The following PDK1 variants were observed in gnomAD, a reference collection of about 807,000 sequenced individuals.
PDK1 encodes pyruvate dehydrogenase kinase 1, also known as [Pyruvate dehydrogenase (acetyl-transferring)] kinase isozyme 1, mitochondrial.
PDK1 carries 39 observed loss-of-function variants against 54.2 expected under a neutral mutation model. That is an observed-to-expected ratio of 0.72 (90% CI 0.56 to 0.94). The LOEUF (loss-of-function observed/expected upper bound fraction) is 0.94, where lower values mean the gene tolerates loss of function less well. Among genes scored for constraint, PDK1 ranks in the 40% least tolerant of loss-of-function variants. The pLI is 0.00. For synonymous variants in PDK1, 221 were observed against 207.1 expected (o/e 1.07, Z -0.58); for missense variants, 552 against 566.0 (o/e 0.98, Z 0.25).
chr2:172,567,983 C>T (rs1252281583), intron 6 of PDK1, among the ~76,000 whole-genome samples: 1 of 152,190 alleles, frequency 6.6e-6, no homozygotes, highest in Non-Finnish European at 1.5e-5. Context: ...TTATATCCAT[C>T]GAAATGCCTG....
chr2:172,592,921 TTC>T lies in PDK1; in HGVS notation c.1057-11_1057-10del. 1 of 1,517,272 alleles carries T rather than the reference TTC, an allele frequency of 6.6e-7. No homozygotes were observed. Among genetic ancestry groups the T allele is most frequent in the Non-Finnish European group, 9.1e-7 (1 of 1,093,544 alleles). The allele number at this position is 1,517,272 out of a possible 1,614,324, so 94.0% of individuals were successfully genotyped here. On this transcript the variant is annotated splice_polypyrimidine_tract_variant and intron_variant, in intron 9 of 10. Coordinates refer to ENST00000282077, the MANE Select transcript of PDK1 (RefSeq NM_002610.5). ...TGTCTTTCTGAATAGAATTTTGTTT[TTC>T]TCATCAAACAGGCTGGTTTTGGTTA...
At chr2:172,608,793 T>C (rs952385490), downstream of PDK1, 14 of 152,170 alleles carry the variant, frequency 9.2e-5, no homozygotes, top group African/African-American at 3.1e-4. Context: ...ATACTAAGCA[T>C]TATGAAAGGC....
In PDK1 at chr2:172,600,863, G is replaced by A. The variant is rs1250087057; in HGVS notation, c.*4894G>A. The A allele has an allele frequency of 6.6e-6, 1 of 152,200 alleles. No individual in the cohort carries two copies. The highest frequency in any genetic ancestry group is 2.4e-5 in the African/African-American group (1 of 41,440). The allele number at this position is 152,200 out of a possible 1,614,324, so 9.4% of individuals were successfully genotyped here. ...ATGTTGTCTTCGTCCAGCTTATCTG[G>A]AAGGGAGAGTTTCTCTGTCTGTTCC... On this transcript the variant is annotated 3_prime_UTR_variant, in exon 11 of 11. Coordinates refer to ENST00000282077, the MANE Select transcript of PDK1 (RefSeq NM_002610.5).
chr2:172,673,179 G>C, the PDK1 span, among the ~76,000 whole-genome samples: 76 of 152,280 alleles, frequency 5.0e-4, 1 homozygote, highest in Middle Eastern at 6.8e-3. Context: ...TACTTCCCGG[G>C]TCTTGCATCT....
the PDK1 span, among the ~76,000 whole-genome samples, chr2:172,716,271 A>G: frequency 6.6e-6 from 1 of 152,180 alleles, no homozygotes; most frequent in African/African-American, 2.4e-5. Flanking sequence ...TTCTCAACCT[A>G]CACCATTTCT....
At chr2:172,589,863 A>G (rs534257785) in intron 9 of PDK1, among the ~76,000 whole-genome samples, 3 of 152,336 alleles carry the variant, frequency 2.0e-5, no homozygotes, top group African/African-American at 7.2e-5. Context: ...TTATCCAGAT[A>G]AAGAGGCTAT....
chr2:172,684,619 G>A, the PDK1 span, among the ~76,000 whole-genome samples: 2 of 151,950 alleles, frequency 1.3e-5, no homozygotes, highest in Admixed American at 1.3e-4. Context: ...GGGATCAAGG[G>A]GCTGACTCTG....
chr2:172,556,360 G>A lies in PDK1; in HGVS notation c.196+14G>A, dbSNP rs760559839. On this transcript the variant is annotated intron_variant, in intron 1 of 10. Coordinates refer to ENST00000282077, the MANE Select transcript of PDK1 (RefSeq NM_002610.5). The stretch of plus-strand genomic sequence containing the variant: ...TCCTGGACTTCGGTGAGTGCGGCCC[G>A]GGACCTTGGGCCTTTTTGCGCGGTC... The A allele has an allele frequency of 1.4e-6, 2 of 1,416,762 alleles. No homozygotes were observed. Among genetic ancestry groups the A allele is most frequent in the Non-Finnish European group, 1.8e-6 (2 of 1,084,670 alleles). The allele number at this position is 1,416,762 out of a possible 1,614,324, so 87.8% of individuals were successfully genotyped here.
chr2:172,598,089 G>A lies in PDK1; in HGVS notation c.*2120G>A, dbSNP rs1183411213. On this transcript the variant is annotated 3_prime_UTR_variant, in exon 11 of 11. Coordinates refer to ENST00000282077, the MANE Select transcript of PDK1 (RefSeq NM_002610.5). ...GATTTTGTGAAAAACAATAGAACAT[G>A]TTAATGAGTAATTTATATTAGTTCG... The A allele has an allele frequency of 1.3e-5, 2 of 152,154 alleles. No individual in the cohort carries two copies. The highest frequency in any genetic ancestry group is 1.3e-4 in the Admixed American group (2 of 15,278). 9.4% of individuals were successfully genotyped at this position (152,154 alleles called of 1,614,324 possible). A position where few individuals can be genotyped will look rare whatever the true frequency, so the allele number is the denominator to read the frequency against.
the PDK1 span, among the ~76,000 whole-genome samples, chr2:172,678,345 TAC>T: frequency 6.6e-6 from 1 of 151,766 alleles, no homozygotes; most frequent in African/African-American, 2.4e-5. Context: ...TCACCCAAAT[TAC>T]AGGCATATTA....
the PDK1 span, among the ~76,000 whole-genome samples, chr2:172,653,223 G>T: frequency 1.3e-5 from 2 of 152,152 alleles, no homozygotes; most frequent in African/African-American, 4.8e-5. Flanking sequence ...AATAGGGAAA[G>T]GATTCCCTAT....
the PDK1 span, among the ~76,000 whole-genome samples, chr2:172,648,584 A>G: frequency 2.0e-5 from 3 of 152,164 alleles, no homozygotes; most frequent in African/African-American, 7.2e-5. Flanking sequence ...CTTTCCTAGC[A>G]AAGGGAAGCC....
chr2:172,591,624 G>A (rs1379705106), intron 9 of PDK1, among the ~76,000 whole-genome samples: 1 of 152,202 alleles, frequency 6.6e-6, no homozygotes, highest in Non-Finnish European at 1.5e-5. Flanking sequence ...CTGTAAGTAG[G>A]GGTATTAGTT....
intron 9 of PDK1, among the ~76,000 whole-genome samples, chr2:172,586,802 A>G (rs1002745542): frequency 6.6e-6 from 1 of 152,212 alleles, no homozygotes; most frequent in African/African-American, 2.4e-5. Context: ...AGACTGAAAA[A>G]TAAGACTAAA....
At chr2:172,622,394 CAT>C in the PDK1 span, among the ~76,000 whole-genome samples, 93 of 137,760 alleles carry the variant, frequency 6.8e-4, no homozygotes, top group Non-Finnish European at 1.3e-3. Context: ...ATGTTTATAT[CAT>C]ATATTATGTG....
the PDK1 span, among the ~76,000 whole-genome samples, chr2:172,619,864 T>G: frequency 6.6e-6 from 1 of 152,168 alleles, no homozygotes; most frequent in Non-Finnish European, 1.5e-5. Flanking sequence ...TGAAGAACAT[T>G]CCAGACAAAA....
chr2:172,683,253 A>G, the PDK1 span, among the ~76,000 whole-genome samples: 1 of 151,462 alleles, frequency 6.6e-6, no homozygotes, highest in African/African-American at 2.4e-5. Flanking sequence ...AGGCTGAGGC[A>G]GGAGAATGGC....
At chr2:172,565,776 TG>T (rs980030277) in intron 5 of PDK1, among the ~76,000 whole-genome samples, 25 of 152,352 alleles carry the variant, frequency 1.6e-4, no homozygotes, top group African/African-American at 6.0e-4. Flanking sequence ...TTTTAGAAAA[TG>T]GGGTGCTCTA....
rs1489970863 is a variant in PDK1, at chr2:172,598,740, T to G, written c.*2771T>G. On this transcript the variant is annotated 3_prime_UTR_variant, in exon 11 of 11. Coordinates refer to ENST00000282077, the MANE Select transcript of PDK1 (RefSeq NM_002610.5). ...TTGAAGTAGAAGTCTACCATATTAT[T>G]TTATAAAATGTTTTCTGTATGGCAA... 6.6e-6 allele frequency: 1 copy of G among 152,218 alleles called. No individual in the cohort carries two copies. The highest frequency in any genetic ancestry group is 1.5e-5 in the Non-Finnish European group (1 of 68,032). The allele number at this position is 152,218 out of a possible 1,614,324, so 9.4% of individuals were successfully genotyped here.
Sources: gnomAD v4.1 joint callset for allele counts (sites outside exome capture counted in the v4.1 genomes callset) on GRCh38, gnomAD v4.1.1 for gene constraint, MANE v1.5 for transcripts, NCBI Gene and HGNC (gene_info 2026-07-23, HGNC 2026-07-21) for gene names.